The following MERTK variants were observed in gnomAD, a reference collection of about 807,000 sequenced individuals.
The protein encoded by MERTK is tyrosine-protein kinase Mer.
MERTK carries 69 observed loss-of-function variants against 99.3 expected under a neutral mutation model. The observed-to-expected ratio is 0.70, with a 90% CI of 0.57 to 0.85. The LOEUF is 0.85. MERTK is among the 40% of genes least tolerant of loss of function. The pLI is 0.00. For missense variants in MERTK, 1,125 were observed against 1,249.4 expected (o/e 0.90, Z 1.50); for synonymous variants, 426 against 467.6 (o/e 0.91, Z 1.15).
intron 1 of MERTK, among the ~76,000 whole-genome samples, chr2:111,913,517 T>C (rs1263845927): frequency 6.6e-6 from 1 of 152,204 alleles, no homozygotes; most frequent in Non-Finnish European, 1.5e-5. Context: ...AGGAGACTTT[T>C]TTATAGATTC....
Position 111,929,672 on chromosome 2 carries a change from C to T in MERTK, c.482+132C>T, listed in dbSNP as rs915682643. 5.7e-5 allele frequency: 37 copies of T among 651,376 alleles called. 2 individuals are homozygous for T. The highest frequency in any genetic ancestry group is 7.5e-5 in the Non-Finnish European group (33 of 441,026). 40.3% of individuals were successfully genotyped at this position (651,376 alleles called of 1,614,324 possible). A position where few individuals can be genotyped will look rare whatever the true frequency, so the allele number is the denominator to read the frequency against. On this transcript the variant is annotated intron_variant, in intron 2 of 18. Transcript: ENST00000295408. Reference sequence around the variant, plus strand: ...CACGATCTCAGCTCATTGCAACCTCCACCTCCTGAGTTCAAACGATTCTCC... The same window carrying T: ...CACGATCTCAGCTCATTGCAACCTCTACCTCCTGAGTTCAAACGATTCTCC...
In MERTK at chr2:112,003,121, C is replaced by T; in HGVS notation, c.1720C>T (p.Gln574Ter). 1 of 1,599,026 alleles carries T rather than the reference C, an allele frequency of 6.3e-7. No homozygotes were observed. ...TAGCTTGGGAGTCAGTGAGGAACTA[C>T]AAAATAAACTAGAAGATGTTGTGAT... ...LHSLGVSEEL[Q>*]NKLEDVVIDR... The change falls in exon 12 of 19, where the codon CAA (glutamine) becomes TAA (stop). Residue 574 changes from glutamine to a stop codon, truncating the protein, a stop_gained. Transcript: ENST00000295408. LOFTEE classifies it high-confidence loss of function.
At chr2:112,025,466 GC>G (rs1677444272) in intron 18 of MERTK, among the ~76,000 whole-genome samples, 1 of 152,132 alleles carries the variant, frequency 6.6e-6, no homozygotes. Context: ...CTTCTTGTCT[GC>G]CCCAAGAACC....
chr2:112,008,540 G>GA (rs746429636), intron 14 of MERTK, 65 bp downstream of exon 14: 10 of 1,218,000 alleles, frequency 8.2e-6, no homozygotes, highest in South Asian at 1.2e-5. Flanking sequence ...TGTGCCAAAG[G>GA]AAAAAATCTC....
At chr2:112,021,668 AT>A in intron 17 of MERTK, 87 bp downstream of exon 17, 1 of 1,269,508 alleles carries the variant, frequency 7.9e-7, no homozygotes, top group Non-Finnish European at 1.1e-6. Context: ...ATGGCAAGAC[AT>A]TTTACTCTTT....
chr2:111,987,977 A>G (rs1676521776), intron 8 of MERTK, among the ~76,000 whole-genome samples: 1 of 147,096 alleles, frequency 6.8e-6, no homozygotes, highest in Admixed American at 7.0e-5. Flanking sequence ...ACAGCATGAT[A>G]TATAGAACTA....
chr2:111,899,914 G>C (rs1384826164), intron 1 of MERTK, among the ~76,000 whole-genome samples: 1 of 151,970 alleles, frequency 6.6e-6, no homozygotes, highest in Non-Finnish European at 1.5e-5. Context: ...AGTGAGTGAT[G>C]AACAGATTTC....
At chr2:112,004,811 A>T (rs989786016) in intron 13 of MERTK, among the ~76,000 whole-genome samples, 1 of 152,024 alleles carries the variant, frequency 6.6e-6, no homozygotes. Context: ...CTGAGGCAGG[A>T]GAATCACTTG....
At chr2:112,011,758 TA>T (rs942242357) in intron 15 of MERTK, among the ~76,000 whole-genome samples, 4 of 151,778 alleles carry the variant, frequency 2.6e-5, no homozygotes, top group African/African-American at 9.7e-5. Context: ...CTGAAAAAAA[TA>T]AAAAAAACAA....
Position 112,008,550 on chromosome 2 carries a change from C to G in MERTK, c.1960+75C>G, listed in dbSNP as rs772909498. On this transcript the variant is annotated intron_variant, in intron 14 of 18. Coordinates refer to ENST00000295408, the MANE Select transcript of MERTK (RefSeq NM_006343.3). ...TGCTCTGTGCCAAAGGAAAAAATCT[C>G]TGGTGTAGATAAGTTTACACTTCGT... 8 of 1,102,902 alleles carry G rather than the reference C, an allele frequency of 7.3e-6. No homozygotes were observed. The Admixed American group carries it at 1.0e-4, about 14-fold the overall frequency. 68.3% of individuals were successfully genotyped at this position (1,102,902 alleles called of 1,614,324 possible). A position where few individuals can be genotyped will look rare whatever the true frequency, so the allele number is the denominator to read the frequency against.
intron 2 of MERTK, among the ~76,000 whole-genome samples, chr2:111,934,506 G>A (rs571723664): frequency 5.3e-5 from 8 of 152,122 alleles, no homozygotes; most frequent in Non-Finnish European, 7.4e-5. Flanking sequence ...TTTGTTGGCC[G>A]CATAAATGTC....
intron 9 of MERTK, among the ~76,000 whole-genome samples, chr2:111,995,967 A>C (rs1381323324): frequency 1.3e-5 from 2 of 152,020 alleles, no homozygotes; most frequent in African/African-American, 4.8e-5. Flanking sequence ...ACAAAACAAA[A>C]CAAGAACAAA....
Position 111,988,468 on chromosome 2 carries a change from A to C in MERTK, c.1296+5475A>C, listed in dbSNP as rs192380571. Reference sequence around the variant, plus strand: ...CAGCCTTGATGATTTTCTCTAATGCACTAAGACTTGAAAGATACCACAAGC... The same window carrying C: ...CAGCCTTGATGATTTTCTCTAATGCCCTAAGACTTGAAAGATACCACAAGC... On this transcript the variant is annotated intron_variant, in intron 8 of 18. Transcript: ENST00000295408. 7.7e-4 allele frequency among the ~76,000 whole-genome samples: 117 copies of C among 152,294 alleles called. 2 individuals are homozygous for C. The highest frequency in any genetic ancestry group is 2.6e-3 in the African/African-American group (110 of 41,552).
chr2:111,929,092 G>A (rs1324262594), intron 1 of MERTK, 28 bp from the exon 2 acceptor site: 2 of 1,613,842 alleles, frequency 1.2e-6, no homozygotes, highest in South Asian at 2.2e-5. Context: ...TATTTAAAAG[G>A]CTAAAATTTG....
rs371465555 is a variant in MERTK at position 111,975,283 on chromosome 2, G to A, written c.961-6G>A. On this transcript the variant is annotated splice_polypyrimidine_tract_variant and splice_region_variant and intron_variant, in intron 6 of 18. Coordinates refer to ENST00000295408, the MANE Select transcript of MERTK (RefSeq NM_006343.3). ...TGCCCGGTCCTCATGTTTACTCTTC[G>A]TTTAGGTCAAGGAAGCTGATCCGCT... The A allele has an allele frequency of 2.2e-5, 36 of 1,613,988 alleles. No homozygotes were observed. The highest frequency in any genetic ancestry group is 7.7e-5 in the South Asian group (7 of 91,084).
At chr2:111,974,187 A>T (rs996324661) in intron 6 of MERTK, among the ~76,000 whole-genome samples, 5 of 146,234 alleles carry the variant, frequency 3.4e-5, no homozygotes, top group Non-Finnish European at 7.5e-5. Context: ...TCAGGAGTTC[A>T]AGACCAGCCT....
At position 111,929,485 on chromosome 2, in the gene MERTK, G is replaced by A. The variant is rs757295748; in HGVS notation, c.427G>A (p.Ala143Thr). Reference sequence around the variant, plus strand: ...GAAGGAATTGCTTGGGGCACATCATGCAATTACACAGTTTTATCCAGATGA... The same window carrying A: ...GAAGGAATTGCTTGGGGCACATCATACAATTACACAGTTTTATCCAGATGA... ...DGKELLGAHH[A>T]ITQFYPDDEV... The change falls in exon 2 of 19, where the codon GCA becomes ACA. Residue 143 changes from alanine (A) to threonine (T), a missense_variant. Ala to Thr is a moderately conservative substitution (Grantham distance 58). Coordinates refer to ENST00000295408, the MANE Select transcript of MERTK (RefSeq NM_006343.3). 2 of 1,614,078 alleles carry A rather than the reference G, an allele frequency of 1.2e-6. No individual in the cohort carries two copies. Among genetic ancestry groups the A allele is most frequent in the Admixed American group, 3.3e-5 (2 of 60,008 alleles).
At chr2:111,975,507 A>T in intron 7 of MERTK, 35 bp downstream of exon 7, 2 of 1,604,024 alleles carry the variant, frequency 1.2e-6, no homozygotes, top group Non-Finnish European at 1.7e-6. Context: ...TATTGCCCCC[A>T]ATGACATGTG....
At chr2:111,975,603 G>C in intron 7 of MERTK, 131 bp downstream of exon 7, 1 of 955,814 alleles carries the variant, frequency 1.0e-6, no homozygotes, top group Non-Finnish European at 1.7e-6. Context: ...AAATTATTGA[G>C]GCGACTGATG....
Sources: allele counts gnomAD v4.1 joint callset (sites outside exome capture counted in the v4.1 genomes callset), GRCh38; gene constraint gnomAD v4.1.1; transcripts MANE v1.5; gene names NCBI Gene and HGNC (gene_info 2026-07-23, HGNC 2026-07-21).